CDH13: variants seen among roughly 807,000 people sequenced by gnomAD.
The protein encoded by CDH13 is cadherin 13, also known as cadherin-13.
In CDH13, 24 loss-of-function variants were observed where a neutral mutation model predicts 63.8. The ratio of observed to expected loss-of-function variants is 0.38; its 90% CI spans 0.27 to 0.53. The LOEUF (loss-of-function observed/expected upper bound fraction) is 0.53. Among genes scored for constraint, CDH13 ranks in the 20% least tolerant of loss-of-function variants. The pLI, the probability that CDH13 is intolerant of heterozygous loss-of-function variation, is 0.85. For synonymous variants in CDH13, 503 were observed against 355.3 expected, an observed-to-expected ratio of 1.42 and a Z score of -4.67; for missense variants, 1,049 against 903.1, an observed-to-expected ratio of 1.16 and a Z score of -2.07.
chr16:83,237,083 T>C (rs186746285), intron 5 of CDH13, among the ~76,000 whole-genome samples: 1 of 152,208 alleles, frequency 6.6e-6, no homozygotes, highest in East Asian at 1.9e-4. Flanking sequence ...TTCGAGGGGA[T>C]GTTCCGCCAC....
chr16:83,165,944 G>C lies in CDH13; in HGVS notation c.483+40443G>C, dbSNP rs114357831. Among the ~76,000 whole-genome samples the C allele has an allele frequency of 3.6e-3, 551 of 152,218 alleles. 4 individuals are homozygous for C. The highest frequency in any genetic ancestry group is 0.013 in the African/African-American group (530 of 41,554). On this transcript the variant is annotated intron_variant, in intron 4 of 13. Transcript: ENST00000567109. ...GAATCAACAGTGGTGGGAGAGGCTGGAGGGCCTCAGGAAATTCAAGGCAAA... is the reference window on the plus strand; with the variant it reads ...GAATCAACAGTGGTGGGAGAGGCTGCAGGGCCTCAGGAAATTCAAGGCAAA...
intron 4 of CDH13, chr16:83,180,965 A>T (rs1484031972): frequency 2.6e-6 from 4 of 1,532,622 alleles, no homozygotes; most frequent in Admixed American, 2.0e-5. Flanking sequence ...TTTAATGAAC[A>T]TCCTATTTGG....
intron 7 of CDH13, among the ~76,000 whole-genome samples, chr16:83,574,280 T>C (rs1186023872): frequency 1.3e-5 from 2 of 152,190 alleles, no homozygotes; most frequent in South Asian, 2.1e-4. Flanking sequence ...TGCTCTCCAT[T>C]CTTAGAAACT....
intron 1 of CDH13, among the ~76,000 whole-genome samples, chr16:82,630,397 T>C (rs1356348688): frequency 1.3e-5 from 2 of 152,198 alleles, no homozygotes; most frequent in Non-Finnish European, 2.9e-5. Context: ...AATCTGGAAT[T>C]TGTGTAATTC....
At chr16:83,058,079 C>A (rs990422956) in intron 3 of CDH13, among the ~76,000 whole-genome samples, 1 of 152,220 alleles carries the variant, frequency 6.6e-6, no homozygotes, top group Non-Finnish European at 1.5e-5. Context: ...GAAATCTTCA[C>A]TATATTCTTA....
At chr16:83,073,231 C>T (rs1032059713) in intron 3 of CDH13, among the ~76,000 whole-genome samples, 10 of 151,820 alleles carry the variant, frequency 6.6e-5, no homozygotes, top group African/African-American at 2.4e-4. Flanking sequence ...AGAGCTTGCA[C>T]GAAATCACTG....
At chr16:83,288,884 G>T (rs559365588) in intron 5 of CDH13, among the ~76,000 whole-genome samples, 2 of 152,328 alleles carry the variant, frequency 1.3e-5, no homozygotes, top group African/African-American at 4.8e-5. Context: ...AAAGACAGTG[G>T]TATTTGCATC....
At chr16:83,066,095 T>C (rs551663340) in intron 3 of CDH13, among the ~76,000 whole-genome samples, 34 of 152,234 alleles carry the variant, frequency 2.2e-4, no homozygotes, top group Non-Finnish European at 3.7e-4. Flanking sequence ...GAAATCAGGA[T>C]GTAATACGAT....
chr16:83,644,061 C>T (rs987672232), intron 8 of CDH13, among the ~76,000 whole-genome samples: 24 of 152,226 alleles, frequency 1.6e-4, no homozygotes, highest in African/African-American at 5.5e-4. Context: ...CCCCCGCCAG[C>T]TCCAACTAGT....
At chr16:82,850,609 T>C (rs2039442510) in intron 1 of CDH13, among the ~76,000 whole-genome samples, 1 of 152,218 alleles carries the variant, frequency 6.6e-6, no homozygotes, top group Non-Finnish European at 1.5e-5. Flanking sequence ...AAAAAAGTTC[T>C]CCTGTGGGTT....
In CDH13 at chr16:82,734,325, GA is replaced by G. The variant is rs371794976; in HGVS notation, c.45+107198del. Among the ~76,000 whole-genome samples the G allele has an allele frequency of 7.6e-3, 1,148 of 150,274 alleles. 6 individuals carry two copies. Among genetic ancestry groups the G allele is most frequent in the Non-Finnish European group, 0.013 (851 of 67,390 alleles). On this transcript the variant is annotated intron_variant, in intron 1 of 13. Coordinates refer to ENST00000567109, the MANE Select transcript of CDH13 (RefSeq NM_001257.5). Reference sequence around the variant, plus strand: ...AATGTTTACTATTTGGCCTTTTATAGAAAAAAAAAATGTGTCCACCTACATC... The same window carrying G: ...AATGTTTACTATTTGGCCTTTTATAGAAAAAAAAATGTGTCCACCTACATC...
rs1410286553 is a variant in CDH13, at chr16:83,191,611, T to C, written c.484-25734T>C. 6.1e-5 allele frequency among the ~76,000 whole-genome samples: 9 copies of C among 147,046 alleles called. No individual in the cohort carries two copies. The Admixed American group carries it at 6.2e-4, about 10-fold the overall frequency. ...TATTAAATAGTATCAACTCACATGA[T>C]CACAAGGTCCCACAATAGGCCATCT... On this transcript the variant is annotated intron_variant, in intron 4 of 13. Coordinates refer to ENST00000567109, the MANE Select transcript of CDH13 (RefSeq NM_001257.5).
At chr16:82,865,712 C>T (rs1450380622) in intron 2 of CDH13, among the ~76,000 whole-genome samples, 1 of 152,222 alleles carries the variant, frequency 6.6e-6, no homozygotes, top group African/African-American at 2.4e-5. Flanking sequence ...TCTTACCCAC[C>T]AGCCCTGTTA....
At chr16:83,558,222 A>G (rs1004497383) in intron 7 of CDH13, among the ~76,000 whole-genome samples, 5 of 152,192 alleles carry the variant, frequency 3.3e-5, no homozygotes, top group African/African-American at 1.2e-4. Context: ...TTAAGAGTGA[A>G]CCTACATTGT....
At chr16:82,737,938 A>G (rs184058736) in intron 1 of CDH13, among the ~76,000 whole-genome samples, 2 of 152,282 alleles carry the variant, frequency 1.3e-5, no homozygotes, top group East Asian at 3.9e-4. Flanking sequence ...ACGTTTCCTT[A>G]TGCCCCTCCA....
intron 2 of CDH13, among the ~76,000 whole-genome samples, chr16:82,983,495 G>A (rs556135204): frequency 3.2e-4 from 48 of 152,288 alleles, no homozygotes; most frequent in South Asian, 1.9e-3. Flanking sequence ...CTGGATTCCA[G>A]GAAGACAGAA....
At chr16:83,429,381 A>G (rs79412097) in intron 6 of CDH13, among the ~76,000 whole-genome samples, 3 of 152,292 alleles carry the variant, frequency 2.0e-5, no homozygotes, top group Non-Finnish European at 2.9e-5. Flanking sequence ...TTGATGACCC[A>G]TCTTTAAGGA....
chr16:83,331,218 G>C (rs2090473997), intron 5 of CDH13, among the ~76,000 whole-genome samples: 1 of 152,142 alleles, frequency 6.6e-6, no homozygotes, highest in African/African-American at 2.4e-5. Flanking sequence ...ATTTATGTGT[G>C]AGATTAAAAG....
chr16:83,069,756 C>G (rs1161596782), intron 3 of CDH13, among the ~76,000 whole-genome samples: 1 of 152,166 alleles, frequency 6.6e-6, no homozygotes, highest in Non-Finnish European at 1.5e-5. Flanking sequence ...AGTGCTAACC[C>G]TGTTCAGAGT....
Sources: allele counts gnomAD v4.1 joint callset (sites outside exome capture counted in the v4.1 genomes callset), GRCh38; gene constraint gnomAD v4.1.1; transcripts MANE v1.5; gene names NCBI Gene and HGNC (gene_info 2026-07-23, HGNC 2026-07-21).